The following FAM78B variants were observed in gnomAD, a reference collection of about 807,000 sequenced individuals.
The protein encoded by FAM78B is family with sequence similarity 78 member B, also known as protein FAM78B.
Under a neutral mutation model 20.0 loss-of-function variants are expected in FAM78B, and 10 were observed. The observed-to-expected ratio is 0.50, with a 90% CI of 0.31 to 0.85. FAM78B has a LOEUF of 0.85. Ranked by LOEUF, FAM78B falls within the 40% of genes least tolerant of loss-of-function variation. FAM78B has a pLI of 0.05. For missense variants in FAM78B, 283 were observed against 345.0 expected, an observed-to-expected ratio of 0.82 and a Z score of 1.42; for synonymous variants, 135 against 132.8, an observed-to-expected ratio of 1.02 and a Z score of -0.12.
intron 1 of FAM78B, among the ~76,000 whole-genome samples, chr1:166,097,139 G>A (rs991519278): frequency 2.6e-5 from 4 of 152,180 alleles, no homozygotes; most frequent in Non-Finnish European, 1.5e-5. Context: ...AGAAGTTTCC[G>A]ACTTTACCTG....
Position 166,166,156 on chromosome 1 carries a change from G to A in FAM78B, c.93C>T (p.Pro31=), listed in dbSNP as rs1395923146. ...TGGGCGAGGTCTCCTCGATGCGCGT[G>A]GGGCACTGGTCGATGGTGGCGCACA... ...YDVCATIDQC[P]TRIEETSPIV... Residue 31 remains proline (P), a synonymous_variant, in exon 1 of 2, where the codon CCC becomes CCT. Transcript: ENST00000354422. 11 of 1,605,564 alleles carry A rather than the reference G, an allele frequency of 6.9e-6. No homozygotes were observed. Among genetic ancestry groups the A allele is most frequent in the Non-Finnish European group, 9.4e-6 (11 of 1,176,060 alleles).
At chr1:166,104,147 T>C (rs1252540313) in intron 1 of FAM78B, among the ~76,000 whole-genome samples, 1 of 152,118 alleles carries the variant, frequency 6.6e-6, no homozygotes, top group Admixed American at 6.6e-5. Flanking sequence ...TTGACAAAAT[T>C]CAACAGCCCT....
In FAM78B at chr1:166,165,997, G is replaced by C; in HGVS notation, c.252C>G (p.Ser84Arg). 7 of 1,613,708 alleles carry C rather than the reference G, an allele frequency of 4.3e-6. No homozygotes were observed. The highest frequency in any genetic ancestry group is 5.1e-6 in the Non-Finnish European group (6 of 1,179,916). ...GGCGAGTCGCTTACATGCCCAGGTC[G>C]CTGTAGGTGTTGAAGAACTCCATCT... Reference protein sequence around the residue: ...CNQMEFFNTYSDLGMSSWELP... With the variant: ...CNQMEFFNTYRDLGMSSWELP... Residue 84 changes from serine (S) to arginine (R), a missense_variant, in exon 1 of 2, where the codon AGC becomes AGG. Coordinates refer to ENST00000354422, the MANE Select transcript of FAM78B (RefSeq NM_001017961.5).
intron 1 of FAM78B, among the ~76,000 whole-genome samples, chr1:166,108,378 C>G (rs2101754203): frequency 6.6e-6 from 1 of 152,200 alleles, no homozygotes; most frequent in Non-Finnish European, 1.5e-5. Flanking sequence ...AAATCAAGAA[C>G]TCAACCCCTT....
chr1:166,147,543 T>G (rs1205522514), intron 1 of FAM78B, among the ~76,000 whole-genome samples: 1 of 152,206 alleles, frequency 6.6e-6, no homozygotes, highest in Non-Finnish European at 1.5e-5. Context: ...GCGTTCCCCG[T>G]GCTCAGACAG....
intron 1 of FAM78B, among the ~76,000 whole-genome samples, chr1:166,145,772 C>A (rs895824532): frequency 6.6e-6 from 1 of 152,154 alleles, no homozygotes. Context: ...TGGTTGGCTG[C>A]ACATTAAACT....
Position 166,070,555 on chromosome 1 carries a change from G to C in FAM78B, c.472C>G (p.Pro158Ala), listed in dbSNP as rs1571130384. Reference protein sequence around the residue: ...WAVPVSDSNVPLLTRIKRDQS... With the variant: ...WAVPVSDSNVALLTRIKRDQS... ...TCTCTCTTGATTCTTGTGAGCAGTG[G>C]CACATTGCTGTCACTCACAGGCACT... Residue 158 changes from proline to alanine, a missense_variant, in exon 2 of 2, where the codon CCA (proline) becomes GCA (alanine). Physicochemically the swap from Pro to Ala is conservative, Grantham distance 27 (BLOSUM62 -1). Coordinates refer to ENST00000354422, the MANE Select transcript of FAM78B (RefSeq NM_001017961.5). The C allele has an allele frequency of 2.5e-6, 4 of 1,613,700 alleles. No homozygotes were observed. Among genetic ancestry groups the C allele is most frequent in the Non-Finnish European group, 3.4e-6 (4 of 1,179,964 alleles).
intron 1 of FAM78B, among the ~76,000 whole-genome samples, chr1:166,109,764 G>A (rs1653922813): frequency 7.4e-6 from 1 of 136,014 alleles, no homozygotes; most frequent in African/African-American, 2.7e-5. Flanking sequence ...CAACCCAAAT[G>A]CCCATCAATC....
chr1:166,056,614 A>G (rs531203811), downstream of FAM78B, among the ~76,000 whole-genome samples: 1 of 152,304 alleles, frequency 6.6e-6, no homozygotes, highest in African/African-American at 2.4e-5. Flanking sequence ...CAGGAACTCA[A>G]ACTTTAAGAT....
intron 2 of FAM78B, chr1:166,060,697 G>A (rs760943854): frequency 5.1e-5 from 63 of 1,238,388 alleles, no homozygotes; most frequent in Middle Eastern, 4.4e-4. Flanking sequence ...TAAATAAAGC[G>A]GGCATTAAGA....
chr1:166,143,835 CCT>C (rs1176252790), intron 1 of FAM78B, among the ~76,000 whole-genome samples: 2 of 152,108 alleles, frequency 1.3e-5, no homozygotes, highest in Non-Finnish European at 2.9e-5. Flanking sequence ...CACGTGAGCC[CCT>C]GTGCCAAACA....
intron 1 of FAM78B, among the ~76,000 whole-genome samples, chr1:166,137,133 G>A (rs1655096118): frequency 6.6e-6 from 1 of 152,180 alleles, no homozygotes; most frequent in Non-Finnish European, 1.5e-5. Flanking sequence ...AGTTTTCTAT[G>A]CCCAGAATGC....
intron 1 of FAM78B, among the ~76,000 whole-genome samples, chr1:166,158,995 C>G (rs1206316424): frequency 6.6e-6 from 1 of 152,228 alleles, no homozygotes; most frequent in Non-Finnish European, 1.5e-5. Flanking sequence ...GTTGTGGCCC[C>G]TCTGTTATCT....
intron 1 of FAM78B, among the ~76,000 whole-genome samples, chr1:166,104,851 C>T (rs1241063519): frequency 6.6e-6 from 1 of 152,182 alleles, no homozygotes. Flanking sequence ...TTGGAAAAAA[C>T]TACTTTAAAG....
chr1:166,130,981 CTT>C (rs869158425), intron 1 of FAM78B, among the ~76,000 whole-genome samples: 6 of 114,046 alleles, frequency 5.3e-5, no homozygotes, highest in Admixed American at 8.8e-5. Flanking sequence ...TCCCCAGGTG[CTT>C]TTTTTTTTTT....
chr1:166,075,468 T>A (rs1210728592), intron 1 of FAM78B, among the ~76,000 whole-genome samples: 1 of 152,208 alleles, frequency 6.6e-6, no homozygotes, highest in East Asian at 1.9e-4. Flanking sequence ...AAGGTTGTGG[T>A]CTCACTGTCC....
At chr1:166,150,107 G>T (rs7551912) in intron 1 of FAM78B, among the ~76,000 whole-genome samples, 26,205 of 152,088 alleles carry the variant, frequency 0.17, 2,986 homozygotes, top group East Asian at 0.44. Flanking sequence ...TGTGCCTCAG[G>T]GGGGGTTTGT....
chr1:166,076,976 A>G (rs1276750314), intron 1 of FAM78B, among the ~76,000 whole-genome samples: 2 of 152,214 alleles, frequency 1.3e-5, no homozygotes, highest in Non-Finnish European at 2.9e-5. Context: ...AGAGACAAAG[A>G]AGAGTATAAA....
intron 1 of FAM78B, among the ~76,000 whole-genome samples, chr1:166,129,607 T>C (rs369952453): frequency 6.6e-6 from 1 of 152,180 alleles, no homozygotes; most frequent in East Asian, 1.9e-4. Context: ...TGATTCCTGG[T>C]TCCTCCTCTT....
Sources: gnomAD v4.1 joint callset for allele counts (sites outside exome capture counted in the v4.1 genomes callset) on GRCh38, gnomAD v4.1.1 for gene constraint, MANE v1.5 for transcripts, NCBI Gene and HGNC (gene_info 2026-07-23, HGNC 2026-07-21) for gene names.